Variants in EPHA1 observed in about 807,000 individuals in gnomAD.
EPHA1 encodes EPH receptor A1, also known as ephrin type-A receptor 1.
In EPHA1, 92 loss-of-function variants were observed where a neutral mutation model predicts 110.1. That is an observed-to-expected ratio of 0.84 (90% CI 0.71 to 0.99). The LOEUF is 0.99. EPHA1 is among the 50% of genes least tolerant of loss of function. EPHA1 has a pLI of 0.00. For missense variants in EPHA1, 1,204 were observed against 1,285.4 expected (o/e 0.94, Z 0.97); for synonymous variants, 500 against 516.1 (o/e 0.97, Z 0.42).
intron 1 of EPHA1, among the ~76,000 whole-genome samples, 161 bp downstream of exon 1, chr7:143,408,563 C>A (rs917956410): frequency 6.6e-6 from 1 of 151,580 alleles, no homozygotes; most frequent in Non-Finnish European, 1.5e-5. Context: ...AAAGATGGGC[C>A]TGGCCAGTCG....
chr7:143,398,630 G>T lies in EPHA1; in HGVS notation c.1307C>A (p.Thr436Asn), dbSNP rs763362632. 1 of 1,614,034 alleles carries T rather than the reference G, an allele frequency of 6.2e-7. No homozygotes were observed. The highest frequency in any genetic ancestry group is 1.1e-5 in the South Asian group (1 of 91,088). ...SGLGSSGHAS[T>N]SVSISMGHAE... ...ATGCCCCATGCTGATGCTGACTGAGGTGCTGGCATGGCCAGAGCTGCCCAG... is the reference window on the plus strand; with the variant it reads ...ATGCCCCATGCTGATGCTGACTGAGTTGCTGGCATGGCCAGAGCTGCCCAG... The change falls in exon 6 of 18, where the codon ACC (threonine) becomes AAC (asparagine). Residue 436 changes from threonine to asparagine, a missense_variant. Transcript: ENST00000275815.
chr7:143,394,454 C>T, intron 14 of EPHA1, 111 bp from the exon 15 acceptor site: 1 of 1,323,370 alleles, frequency 7.6e-7, no homozygotes, highest in Non-Finnish European at 1.0e-6. Flanking sequence ...CAAAGTCTCG[C>T]TCTGTTGCTA....
In EPHA1 at chr7:143,395,479, C is replaced by G; in HGVS notation, c.1923G>C (p.Gly641=). Residue 641 remains glycine (G), a synonymous_variant, in exon 12 of 18, where the codon GGG becomes GGC. Coordinates refer to ENST00000275815, the MANE Select transcript of EPHA1 (RefSeq NM_005232.5). The surrounding 1 kb of genome is among the most constrained non-coding windows in gnomAD (Gnocchi z 4.7). ...GEGEFGEVYR[G]TLRLPSQDCK... is the part of the protein sequence containing the mutation. Reference sequence around the variant, plus strand: ...AGTCCTGGCTGGGGAGCCTCAGGGTCCCTCGATACACTTCCCCAAACTCTC... The same window carrying G: ...AGTCCTGGCTGGGGAGCCTCAGGGTGCCTCGATACACTTCCCCAAACTCTC... 3.1e-6 allele frequency: 5 copies of G among 1,614,146 alleles called. No homozygotes were observed. Among genetic ancestry groups the G allele is most frequent in the Non-Finnish European group, 4.2e-6 (5 of 1,180,024 alleles).
rs777619076 is a variant in EPHA1, at chr7:143,395,032, GGTGA to G, written c.2146-22_2146-19del. The G allele has an allele frequency of 1.2e-6, 2 of 1,613,916 alleles. No homozygotes were observed. Among genetic ancestry groups the G allele is most frequent in the Non-Finnish European group, 1.7e-6 (2 of 1,179,990 alleles). ...TCCCGCTCCTGCAGCAGGGTGAGTG[GGTGA>G]GTCAGGGGATGGGCCAGGTCTCCTC... On this transcript the variant is annotated intron_variant, in intron 13 of 17. Transcript: ENST00000275815. The surrounding 1 kb of genome is among the most constrained non-coding windows in gnomAD (Gnocchi z 4.7).
At chr7:143,405,639 A>G (rs530762740) in intron 2 of EPHA1, among the ~76,000 whole-genome samples, 1 of 152,196 alleles carries the variant, frequency 6.6e-6, no homozygotes, top group Non-Finnish European at 1.5e-5. Context: ...CAAGGGCCCA[A>G]GGAAGGCCCA....
intron 1 of EPHA1, among the ~76,000 whole-genome samples, chr7:143,408,238 T>C (rs781030560): frequency 1.3e-5 from 2 of 152,060 alleles, no homozygotes; most frequent in Non-Finnish European, 2.9e-5. Flanking sequence ...TGTTCCAACT[T>C]TCACATGGAA....
chr7:143,405,575 T>C lies in EPHA1; in HGVS notation c.150+2036A>G, dbSNP rs1223241428. Among the ~76,000 whole-genome samples, 16 of 152,106 alleles carry C rather than the reference T, an allele frequency of 1.1e-4. 1 individual carries two copies. The highest frequency in any genetic ancestry group is 1.0e-3 in the Admixed American group (16 of 15,278). ...GACTGTTTTGCCTGTGCTGAGAAAGTGGCCTTGCTGCCATTCCAGTCAAAT... is the reference window on the plus strand; with the variant it reads ...GACTGTTTTGCCTGTGCTGAGAAAGCGGCCTTGCTGCCATTCCAGTCAAAT... On this transcript the variant is annotated intron_variant, in intron 2 of 17. Coordinates refer to ENST00000275815, the MANE Select transcript of EPHA1 (RefSeq NM_005232.5).
chr7:143,397,588 A>G lies in EPHA1; in HGVS notation c.1685T>C (p.Leu562Pro). Residue 562 changes from leucine to proline, a missense_variant, in exon 9 of 18, where the codon CTG becomes CCG. Transcript: ENST00000275815. The stretch of plus-strand genomic sequence containing the variant: ...GGACCGGAAAACGAGAATCCCAAGC[A>G]GCAAGGCTGCACCAAGCAGCAGCCC... ...IFGLLLGAAL[L>P]LGILVFRSRR... 6.2e-7 allele frequency: 1 copy of G among 1,614,064 alleles called. No individual in the cohort carries two copies. The highest frequency in any genetic ancestry group is 1.1e-5 in the South Asian group (1 of 91,086).
intron 10 of EPHA1, 52 bp downstream of exon 10, chr7:143,397,252 C>T: frequency 6.6e-7 from 1 of 1,522,008 alleles, no homozygotes; most frequent in Non-Finnish European, 8.9e-7. Flanking sequence ...CACACACGCA[C>T]ACACAGGTGT....
chr7:143,395,094 C>G lies in EPHA1; in HGVS notation c.2145+27G>C. 2 of 1,614,052 alleles carry G rather than the reference C, an allele frequency of 1.2e-6. No homozygotes were observed. Among genetic ancestry groups the G allele is most frequent in the Middle Eastern group, 1.6e-4 (1 of 6,062 alleles). ...CCAGGGTACCATGGTGCATCCCCCT[C>G]CCCAGCTAGTCCTCTGCCCTCCTCA... On this transcript the variant is annotated intron_variant, in intron 13 of 17. Coordinates refer to ENST00000275815, the MANE Select transcript of EPHA1 (RefSeq NM_005232.5). The surrounding 1 kb of genome is among the most constrained non-coding windows in gnomAD (Gnocchi z 4.7).
At position 143,396,437 on chromosome 7, in the gene EPHA1, A is replaced by G. The variant is rs56213151; in HGVS notation, c.1845T>C (p.Phe615=). 6.2e-7 allele frequency: 1 copy of G among 1,613,846 alleles called. No individual in the cohort carries two copies. Among genetic ancestry groups the G allele is most frequent in the Non-Finnish European group, 8.5e-7 (1 of 1,179,918 alleles). ...YEDPAQGALD[F]TRELDPAWLM... is the part of the protein sequence containing the mutation. Reference sequence around the variant, plus strand: ...GCCACGCTGGATCAAGCTCCCGGGTAAAGTCCAGGGCTCCCTGTGCAGGGT... The same window carrying G: ...GCCACGCTGGATCAAGCTCCCGGGTGAAGTCCAGGGCTCCCTGTGCAGGGT... The change falls in exon 11 of 18, where the codon TTT becomes TTC. Residue 615 remains phenylalanine (F), a synonymous_variant. Coordinates refer to ENST00000275815, the MANE Select transcript of EPHA1 (RefSeq NM_005232.5).
At chr7:143,392,190 C>T (rs1002007436) in intron 16 of EPHA1, among the ~76,000 whole-genome samples, 52 of 152,206 alleles carry the variant, frequency 3.4e-4, no homozygotes, top group Admixed American at 1.3e-4. Context: ...ATAGTGGCTG[C>T]TTGAGTTCCG....
Position 143,391,676 on chromosome 7 carries a change from C to T in EPHA1, c.2796G>A (p.Leu932=), listed in dbSNP as rs369661426. The stretch of plus-strand genomic sequence containing the variant: ...TGTCCAGCCCAGCCGAGTGGAAGTG[C>T]AGGATGTAGCGTTTCATGCGTATGG... The part of the protein sequence containing the change: ...LESIRMKRYI[L]HFHSAGLDTM... Residue 932 remains leucine, a synonymous_variant, in exon 17 of 18, where the codon CTG becomes CTA. Transcript: ENST00000275815. The T allele has an allele frequency of 8.7e-6, 14 of 1,613,980 alleles. No homozygotes were observed. The highest frequency in any genetic ancestry group is 1.7e-5 in the Admixed American group (1 of 60,006).
rs112912315 is a variant in EPHA1, at chr7:143,398,279, C to T, written c.1464+42G>A. 1,928 of 1,609,906 alleles carry T rather than the reference C, an allele frequency of 1.2e-3. 9 individuals carry two copies. Among genetic ancestry groups the T allele is most frequent in the African/African-American group, 8.4e-3 (630 of 74,952 alleles). On this transcript the variant is annotated intron_variant, in intron 7 of 17. Transcript: ENST00000275815. Reference sequence around the variant, plus strand: ...CAGGCTAGGAATGTTGGGGTGTGCCCGGGCATGGACACTGAAGACCATCTC... The same window carrying T: ...CAGGCTAGGAATGTTGGGGTGTGCCTGGGCATGGACACTGAAGACCATCTC...
rs765617275 is a variant in EPHA1, at chr7:143,397,671, G to A, written c.1616-14C>T. On this transcript the variant is annotated splice_polypyrimidine_tract_variant and intron_variant, in intron 8 of 17. Coordinates refer to ENST00000275815, the MANE Select transcript of EPHA1 (RefSeq NM_005232.5). ...GGCCCCTGGACACTGTAGGCACAAAGGGATGAGGAAGTGTTGGGACTCACA... is the reference window on the plus strand; with the variant it reads ...GGCCCCTGGACACTGTAGGCACAAAAGGATGAGGAAGTGTTGGGACTCACA... 3 of 1,613,976 alleles carry A rather than the reference G, an allele frequency of 1.9e-6. No individual in the cohort carries two copies. The highest frequency in any genetic ancestry group is 3.3e-5 in the Admixed American group (2 of 60,026).
chr7:143,391,720 C>T lies in EPHA1; in HGVS notation c.2752G>A (p.Val918Ile), dbSNP rs530042951. The T allele has an allele frequency of 9.3e-6, 15 of 1,614,000 alleles. No homozygotes were observed. The South Asian group carries it at 1.3e-4, about 14-fold the overall frequency. ...CGTATGGACTCGAGCCACTCAGAGA[C>T]GGTTCGATATGGGATCCCATCTGAG... ...SGSDGIPYRT[V>I]SEWLESIRMK... The change falls in exon 17 of 18, where the codon GTC becomes ATC. Residue 918 changes from valine (V) to isoleucine (I), a missense_variant. Physicochemically the swap from Val to Ile is conservative, Grantham distance 29. Coordinates refer to ENST00000275815, the MANE Select transcript of EPHA1 (RefSeq NM_005232.5).
At chr7:143,396,661 C>A in intron 10 of EPHA1, 151 bp from the exon 11 acceptor site, 1 of 859,798 alleles carries the variant, frequency 1.2e-6, no homozygotes, top group East Asian at 2.8e-5. Flanking sequence ...AGAAAGTCTC[C>A]ATTTAGCAAC....
intron 3 of EPHA1, chr7:143,400,945 G>T: frequency 4.3e-6 from 1 of 231,934 alleles, no homozygotes; most frequent in Non-Finnish European, 8.5e-6. Context: ...CCAGGCTGGT[G>T]TACAGTGGCA....
intron 5 of EPHA1, 151 bp downstream of exon 5, chr7:143,399,107 G>T: frequency 1.1e-5 from 13 of 1,209,116 alleles, no homozygotes; most frequent in Non-Finnish European, 1.5e-5. Context: ...CTTCTAGGGA[G>T]AGCAGGGTGC....
Sources: allele counts gnomAD v4.1 joint callset (sites outside exome capture counted in the v4.1 genomes callset), GRCh38; gene constraint gnomAD v4.1.1; non-coding constraint Gnocchi (gnomAD v3.1); transcripts MANE v1.5; gene names NCBI Gene and HGNC (gene_info 2026-07-23, HGNC 2026-07-21).